The following GAD2 variants were observed in gnomAD, a reference collection of about 807,000 sequenced individuals.
GAD2 encodes the protein glutamate decarboxylase 2.
Under a neutral mutation model 80.1 loss-of-function variants are expected in GAD2, and 22 were observed. That is an observed-to-expected ratio of 0.27 (90% CI 0.20 to 0.39). The LOEUF is 0.39. Ranked by LOEUF, GAD2 falls within the 10% of genes least tolerant of loss-of-function variation. The pLI is 1.00. For missense variants in GAD2, 624 were observed against 738.4 expected (o/e 0.85, Z 1.80); for synonymous variants, 274 against 256.9 (o/e 1.07, Z -0.64).
At chr10:26,237,503 C>T (rs573809238) in intron 7 of GAD2, among the ~76,000 whole-genome samples, 5 of 151,834 alleles carry the variant, frequency 3.3e-5, no homozygotes, top group South Asian at 4.2e-4. Flanking sequence ...ATGACACTGT[C>T]GTTAGAAGGA....
chr10:26,262,783 A>C (rs780634389), intron 8 of GAD2, among the ~76,000 whole-genome samples: 1 of 151,868 alleles, frequency 6.6e-6, no homozygotes, highest in Non-Finnish European at 1.5e-5. Flanking sequence ...CTTGGACTCC[A>C]AAGTTATTTA....
intron 13 of GAD2, among the ~76,000 whole-genome samples, chr10:26,291,494 T>A (rs1036029935): frequency 3.9e-5 from 6 of 152,202 alleles, no homozygotes; most frequent in African/African-American, 1.4e-4. Flanking sequence ...CTGCTTCAGA[T>A]GTCACAAGTC....
chr10:26,235,526 C>T (rs1422216825), intron 7 of GAD2, among the ~76,000 whole-genome samples: 1 of 152,144 alleles, frequency 6.6e-6, no homozygotes, highest in Non-Finnish European at 1.5e-5. Context: ...TCTTGTAAAA[C>T]TTGAATAAGA....
At position 26,257,194 on chromosome 10, in the gene GAD2, TG is replaced by T. The variant is rs1342219108; in HGVS notation, c.920+11196del. 6.6e-5 allele frequency among the ~76,000 whole-genome samples: 10 copies of T among 152,220 alleles called. 1 individual carries two copies. In the South Asian group the frequency reaches 2.1e-3, roughly 32 times the overall value. ...GAGTTCAAGACCAGCCTAACCAACG[TG>T]GTGAAACCCCATCTCTACCAAAAAT... On this transcript the variant is annotated intron_variant, in intron 8 of 15. Coordinates refer to ENST00000376261, the MANE Select transcript of GAD2 (RefSeq NM_001134366.2).
intron 4 of GAD2, among the ~76,000 whole-genome samples, 178 bp from the exon 5 acceptor site, chr10:26,223,709 A>ATGTG (rs368846977): frequency 1.1e-4 from 16 of 147,900 alleles, no homozygotes; most frequent in South Asian, 2.2e-4. Context: ...GTGTATGTGC[A>ATGTG]TGTGTGTGTG....
chr10:26,297,997 A>G (rs1020432904), intron 15 of GAD2, among the ~76,000 whole-genome samples: 8 of 152,310 alleles, frequency 5.3e-5, no homozygotes, highest in African/African-American at 1.9e-4. Flanking sequence ...CAAAAGGTGA[A>G]CTGTAGGACA....
chr10:26,216,978 T>G lies in GAD2; in HGVS notation c.76+93T>G. 8.8e-7 allele frequency: 1 copy of G among 1,136,366 alleles called. No individual in the cohort carries two copies. Among genetic ancestry groups the G allele is most frequent in the Non-Finnish European group, 1.3e-6 (1 of 776,018 alleles). 70.4% of individuals were successfully genotyped at this position (1,136,366 alleles called of 1,614,324 possible). ...AGAAGACGAAGGAGGTTTTTCCACC[T>G]GCAACAGGAAACTTCTTCGGGCGCT... On this transcript the variant is annotated intron_variant, in intron 1 of 15. Transcript: ENST00000376261. This position sits in a 1 kb window ranked among gnomAD's most constrained non-coding sequence, Gnocchi z 4.7.
In GAD2 at chr10:26,224,586, C is replaced by A; in HGVS notation, c.659C>A (p.Thr220Lys). ...APVFVLLEYV[T>K]LKKMREIIGW... ...GTATTTGTGCTTTTGGAATATGTCA[C>A]ACTAAAGAAAATGAGAGAAATCATT... Residue 220 changes from threonine to lysine, a missense_variant, in exon 6 of 16, where the codon ACA becomes AAA. Thr to Lys is a moderately conservative substitution (Grantham distance 78). Coordinates refer to ENST00000376261, the MANE Select transcript of GAD2 (RefSeq NM_001134366.2). The A allele has an allele frequency of 6.2e-7, 1 of 1,614,080 alleles. No individual in the cohort carries two copies. The highest frequency in any genetic ancestry group is 8.5e-7 in the Non-Finnish European group (1 of 1,179,926).
At chr10:26,230,336 C>T (rs1844585630) in intron 7 of GAD2, among the ~76,000 whole-genome samples, 1 of 152,214 alleles carries the variant, frequency 6.6e-6, no homozygotes, top group African/African-American at 2.4e-5. Flanking sequence ...GTAAGCAAAA[C>T]TCCAGAGGAG....
At chr10:26,275,041 A>T (rs1392613924) in intron 11 of GAD2, among the ~76,000 whole-genome samples, 1 of 152,086 alleles carries the variant, frequency 6.6e-6, no homozygotes, top group Non-Finnish European at 1.5e-5. Flanking sequence ...CTGCTCTTGG[A>T]CCCTTGGGGC....
intron 11 of GAD2, among the ~76,000 whole-genome samples, chr10:26,276,976 G>T (rs117407742): frequency 0.013 from 1,991 of 152,350 alleles, 22 homozygotes; most frequent in Non-Finnish European, 0.02. Flanking sequence ...TCAGAATCTA[G>T]TGGGGAAGAT....
intron 14 of GAD2, 63 bp from the exon 15 acceptor site, chr10:26,292,839 G>A: frequency 3.8e-6 from 5 of 1,318,020 alleles, no homozygotes; most frequent in Non-Finnish European, 5.5e-6. Context: ...GATTTGAAAT[G>A]TTCTTGGAAT....
chr10:26,224,797 T>C, intron 6 of GAD2, 146 bp downstream of exon 6: 1 of 619,372 alleles, frequency 1.6e-6, no homozygotes, highest in Non-Finnish European at 2.8e-6. Context: ...TGTGATTAAG[T>C]GCACATGACC....
chr10:26,292,364 G>C, intron 13 of GAD2, 101 bp from the exon 14 acceptor site: 1 of 822,626 alleles, frequency 1.2e-6, no homozygotes. Flanking sequence ...AGTGCCAGAC[G>C]GGGCTAAGAC....
At chr10:26,269,285 G>T in intron 9 of GAD2, 112 bp downstream of exon 9, 1 of 773,750 alleles carries the variant, frequency 1.3e-6, no homozygotes. Flanking sequence ...CAATCTCCCA[G>T]GTTTAATGAG....
At chr10:26,267,316 C>T (rs1845084213) in intron 8 of GAD2, among the ~76,000 whole-genome samples, 1 of 152,082 alleles carries the variant, frequency 6.6e-6, no homozygotes, top group South Asian at 2.1e-4. Flanking sequence ...AAGATAATAC[C>T]CACACTTTCT....
rs1845124316 is a variant in GAD2 at position 26,270,636 on chromosome 10, A to G, written c.976-4A>G. 1 of 1,606,552 alleles carries G rather than the reference A, an allele frequency of 6.2e-7. No individual in the cohort carries two copies. The highest frequency in any genetic ancestry group is 8.5e-7 in the Non-Finnish European group (1 of 1,173,032). On this transcript the variant is annotated splice_polypyrimidine_tract_variant and splice_region_variant and intron_variant, in intron 9 of 15. Coordinates refer to ENST00000376261, the MANE Select transcript of GAD2 (RefSeq NM_001134366.2). ...CATGATTTGGGGCTTTCTCGTTCGC[A>G]CAGGGGTTTGTTCCTTTCCTCGTGA...
intron 11 of GAD2, among the ~76,000 whole-genome samples, chr10:26,280,192 C>T (rs534423713): frequency 3.9e-5 from 6 of 152,322 alleles, no homozygotes; most frequent in African/African-American, 1.4e-4. Flanking sequence ...CCCACGCCCT[C>T]ACCTGCTATT....
intron 11 of GAD2, among the ~76,000 whole-genome samples, chr10:26,274,094 C>T (rs1423138522): frequency 6.6e-6 from 1 of 151,928 alleles, no homozygotes; most frequent in African/African-American, 2.4e-5. Context: ...ATATCCACTG[C>T]TTAAAAAAAA....
Sources: gnomAD v4.1 joint callset for allele counts (sites outside exome capture counted in the v4.1 genomes callset) on GRCh38, gnomAD v4.1.1 for gene constraint, Gnocchi (gnomAD v3.1) non-coding constraint, MANE v1.5 for transcripts, NCBI Gene and HGNC (gene_info 2026-07-23, HGNC 2026-07-21) for gene names.